RAP1A: variants seen among roughly 807,000 people sequenced by gnomAD.
RAP1A encodes ras-related protein Rap-1A.
Under a neutral mutation model 26.4 loss-of-function variants are expected in RAP1A, and 6 were observed. The ratio of observed to expected loss-of-function variants is 0.23; its 90% CI spans 0.12 to 0.45. The LOEUF (loss-of-function observed/expected upper bound fraction) is 0.45, where lower values mean the gene tolerates loss of function less well. Ranked by LOEUF, RAP1A falls within the 20% of genes least tolerant of loss-of-function variation. The probability of loss-of-function intolerance (pLI) is 0.99; values close to 1 mark genes in which losing one functional copy is unlikely to be tolerated. For missense variants in RAP1A, 121 were observed against 217.2 expected, an observed-to-expected ratio of 0.56 and a Z score of 2.78; for synonymous variants, 73 against 79.4, an observed-to-expected ratio of 0.92 and a Z score of 0.43.
At chr1:111,570,496 G>A (rs907799417) in intron 1 of RAP1A, among the ~76,000 whole-genome samples, 1 of 152,130 alleles carries the variant, frequency 6.6e-6, no homozygotes, top group East Asian at 1.9e-4. Context: ...GGAGCAGGCA[G>A]AGGAGGGATT....
rs532388944 is a variant in RAP1A, at chr1:111,608,502, G to A, written c.-28+65993G>A. The stretch of plus-strand genomic sequence containing the variant: ...CTCCTCACTTCCCAGACGGGGTGGC[G>A]GCCGGGCAGAGGCTGCAATCTCGGC... On this transcript the variant is annotated intron_variant, in intron 1 of 7. Coordinates refer to the RAP1A transcript ENST00000356415. The A allele has an allele frequency of 5.0e-3, 829 of 167,000 alleles. 3 individuals are homozygous for A. Among genetic ancestry groups the A allele is most frequent in the African/African-American group, 0.019 (776 of 41,528 alleles). 10.3% of individuals were successfully genotyped at this position (167,000 alleles called of 1,614,324 possible). A position where few individuals can be genotyped will look rare whatever the true frequency, so the allele number is the denominator to read the frequency against.
At chr1:111,670,262 A>T (rs941910787) in intron 1 of RAP1A, among the ~76,000 whole-genome samples, 1 of 152,164 alleles carries the variant, frequency 6.6e-6, no homozygotes, top group Non-Finnish European at 1.5e-5. Flanking sequence ...GCTTGAGCCT[A>T]GGAGTTCGAG....
At chr1:111,712,104 T>A (rs1662402900) in intron 7 of RAP1A, among the ~76,000 whole-genome samples, 1 of 152,156 alleles carries the variant, frequency 6.6e-6, no homozygotes, top group Non-Finnish European at 1.5e-5. Context: ...AGAATAAAAA[T>A]ATCATTGTCT....
At chr1:111,562,268 G>A (rs1657771579) in intron 1 of RAP1A, among the ~76,000 whole-genome samples, 1 of 151,980 alleles carries the variant, frequency 6.6e-6, no homozygotes, top group African/African-American at 2.4e-5. Context: ...ATAACCCTTA[G>A]AACAGCACTT....
At chr1:111,596,151 A>G (rs1233041547) in intron 1 of RAP1A, among the ~76,000 whole-genome samples, 1 of 152,238 alleles carries the variant, frequency 6.6e-6, no homozygotes, top group African/African-American at 2.4e-5. Flanking sequence ...TATTGATTAA[A>G]GGCAGGGCTT....
chr1:111,599,574 T>G (rs531312636), intron 1 of RAP1A: 1 of 152,212 alleles, frequency 6.6e-6, no homozygotes, highest in African/African-American at 2.4e-5. Context: ...TCCCCAGATG[T>G]TGGGGGTGGG....
chr1:111,692,450 T>C (rs1661698616), intron 2 of RAP1A, among the ~76,000 whole-genome samples: 1 of 152,196 alleles, frequency 6.6e-6, no homozygotes, highest in African/African-American at 2.4e-5. Flanking sequence ...CAAGAATGTT[T>C]GAGAATATCT....
chr1:111,542,563 A>T (rs1268750754), intron 1 of RAP1A: 1 of 160,528 alleles, frequency 6.2e-6, no homozygotes, highest in East Asian at 1.8e-4. Context: ...AGCCAAAAGT[A>T]TGAATGCCCT....
chr1:111,605,278 C>T (rs939122496), intron 1 of RAP1A, among the ~76,000 whole-genome samples: 3 of 152,144 alleles, frequency 2.0e-5, no homozygotes, highest in African/African-American at 4.8e-5. Flanking sequence ...ACCAAATAAA[C>T]GTACATATGT....
intron 1 of RAP1A, chr1:111,563,779 T>C: frequency 8.8e-7 from 1 of 1,142,718 alleles, no homozygotes; most frequent in African/African-American, 1.5e-5. Flanking sequence ...TGTTCCAAAG[T>C]GGTCAGTATG....
At chr1:111,625,052 A>T (rs1171691179) in intron 1 of RAP1A, among the ~76,000 whole-genome samples, 3 of 152,236 alleles carry the variant, frequency 2.0e-5, no homozygotes, top group Non-Finnish European at 4.4e-5. Flanking sequence ...TAAATGTGTA[A>T]TCATATGTTT....
intron 5 of RAP1A, 31 bp downstream of exon 5, chr1:111,703,507 T>C (rs1324284503): frequency 6.6e-7 from 1 of 1,520,840 alleles, no homozygotes. Flanking sequence ...TAAGATGTTA[T>C]GCCATCTCTC....
At position 111,650,970 on chromosome 1, in the gene RAP1A, T is replaced by C. The variant is rs190331015; in HGVS notation, c.-28+31036T>C. ...GCACCCGCCACCACGCCCGGCTAAT[T>C]TTTTTGTATTTTTAGTACAGATGGA... On this transcript the variant is annotated intron_variant, in intron 1 of 7. Coordinates refer to ENST00000369709, the MANE Select transcript of RAP1A (RefSeq NM_002884.4). 4.9e-3 allele frequency among the ~76,000 whole-genome samples: 744 copies of C among 152,036 alleles called. 5 individuals carry two copies. The highest frequency in any genetic ancestry group is 7.8e-3 in the Non-Finnish European group (533 of 67,954).
rs535442959 is a variant in RAP1A, at chr1:111,681,631, C to T, written c.-27-9703C>T. ...TGAAGATCAACTTAATGAATTAAAGCGTGAAGACAAGATTAGAGAAAATAG... is the reference window on the plus strand; with the variant it reads ...TGAAGATCAACTTAATGAATTAAAGTGTGAAGACAAGATTAGAGAAAATAG... On this transcript the variant is annotated intron_variant, in intron 1 of 7. Coordinates refer to ENST00000369709, the MANE Select transcript of RAP1A (RefSeq NM_002884.4). Among the ~76,000 whole-genome samples, 407 of 152,072 alleles carry T rather than the reference C, an allele frequency of 2.7e-3. 2 individuals carry two copies. Among genetic ancestry groups the T allele is most frequent in the African/African-American group, 8.8e-3 (364 of 41,498 alleles).
At chr1:111,647,193 C>A (rs968022629) in intron 1 of RAP1A, among the ~76,000 whole-genome samples, 8 of 152,132 alleles carry the variant, frequency 5.3e-5, no homozygotes, top group African/African-American at 1.9e-4. Flanking sequence ...GGAGTGCAAA[C>A]CCTATTATGA....
intron 1 of RAP1A, among the ~76,000 whole-genome samples, chr1:111,542,790 G>A (rs1571451036): frequency 6.6e-6 from 1 of 151,850 alleles, no homozygotes; most frequent in Admixed American, 6.6e-5. Flanking sequence ...TCCGCCTCCC[G>A]GGTTCAAGTG....
At chr1:111,658,572 A>T (rs936978784) in intron 1 of RAP1A, among the ~76,000 whole-genome samples, 2 of 152,190 alleles carry the variant, frequency 1.3e-5, no homozygotes, top group African/African-American at 4.8e-5. Context: ...AAACTAAGAC[A>T]CAAACACACA....
intron 1 of RAP1A, among the ~76,000 whole-genome samples, chr1:111,570,630 C>A (rs951831108): frequency 6.6e-6 from 1 of 152,148 alleles, no homozygotes; most frequent in South Asian, 2.1e-4. Context: ...CATGGTTCTG[C>A]AGGCTAAGAA....
chr1:111,640,059 C>G (rs1659846699), intron 1 of RAP1A, among the ~76,000 whole-genome samples: 1 of 152,210 alleles, frequency 6.6e-6, no homozygotes, highest in Non-Finnish European at 1.5e-5. Flanking sequence ...ATCACAGCTG[C>G]AAACAAATGA....
Sources: gnomAD v4.1 joint callset for allele counts (sites outside exome capture counted in the v4.1 genomes callset) on GRCh38, gnomAD v4.1.1 for gene constraint, MANE v1.5 for transcripts, NCBI Gene and HGNC (gene_info 2026-07-23, HGNC 2026-07-21) for gene names.